Variants in GAD2 observed in about 807,000 individuals in gnomAD.
GAD2 encodes the protein 65 kDa glutamic acid decarboxylase.
A neutral mutation model predicts 80.1 loss-of-function variants in GAD2; 22 were observed. The observed-to-expected ratio is 0.27, with a 90% confidence interval of 0.20 to 0.39. The LOEUF (loss-of-function observed/expected upper bound fraction) is 0.39. Among genes scored for constraint, GAD2 ranks in the 10% least tolerant of loss-of-function variants. The pLI is 1.00. For missense variants in GAD2, 624 were observed against 738.4 expected, an observed-to-expected ratio of 0.85 and a Z score of 1.80; for synonymous variants, 274 against 256.9, an observed-to-expected ratio of 1.07 and a Z score of -0.64.
At chr10:26,239,316 GAGA>G (rs1399487309) in intron 7 of GAD2, among the ~76,000 whole-genome samples, 2 of 152,152 alleles carry the variant, frequency 1.3e-5, no homozygotes, top group Non-Finnish European at 2.9e-5. Flanking sequence ...GCTTGGTTAG[GAGA>G]ACACACAGCT....
At position 26,254,439 on chromosome 10, in the gene GAD2, A is replaced by T. The variant is rs192437343; in HGVS notation, c.920+8439A>T. 1.5e-3 allele frequency among the ~76,000 whole-genome samples: 236 copies of T among 152,310 alleles called. 1 individual carries two copies. Among genetic ancestry groups the T allele is most frequent in the African/African-American group, 5.6e-3 (231 of 41,574 alleles). ...GGGGCTCAGGCGGGAATGCTGGCTC[A>T]GGGCTCACCTCCTGCTGTGTGACCG... On this transcript the variant is annotated intron_variant, in intron 8 of 15. Coordinates refer to ENST00000376261, the MANE Select transcript of GAD2 (RefSeq NM_001134366.2).
rs1834336454 is a variant in GAD2 at position 26,302,307 on chromosome 10, A to C, written c.*1346A>C. On this transcript the variant is annotated 3_prime_UTR_variant, in exon 16 of 16. Transcript: ENST00000376261. ...AGCCTCTCACCCTAGATTTTGAGGC[A>C]TTATCTTAAGATTTTCCTTTATCCA... 6.6e-6 allele frequency: 1 copy of C among 152,126 alleles called. No individual in the cohort carries two copies. Among genetic ancestry groups the C allele is most frequent in the Admixed American group, 6.5e-5 (1 of 15,276 alleles). The allele number at this position is 152,126 out of a possible 1,614,324, so 9.4% of individuals were successfully genotyped here.
chr10:26,289,960 T>C (rs933972601), intron 13 of GAD2, among the ~76,000 whole-genome samples: 5 of 152,098 alleles, frequency 3.3e-5, no homozygotes, highest in Non-Finnish European at 7.4e-5. Context: ...CAAGGTTTCA[T>C]AGCAAATCTC....
intron 8 of GAD2, among the ~76,000 whole-genome samples, chr10:26,262,746 G>A (rs1443132668): frequency 7.9e-5 from 12 of 151,706 alleles, no homozygotes; most frequent in Admixed American, 7.9e-4. Context: ...AATTTTTAAT[G>A]TTCTGTAACT....
chr10:26,297,698 G>C (rs552979770), intron 15 of GAD2, among the ~76,000 whole-genome samples: 1 of 152,302 alleles, frequency 6.6e-6, no homozygotes, highest in African/African-American at 2.4e-5. Context: ...AGAAAGGAGA[G>C]CTTTATTGAT....
At chr10:26,253,855 A>G (rs1844911516) in intron 8 of GAD2, among the ~76,000 whole-genome samples, 1 of 152,146 alleles carries the variant, frequency 6.6e-6, no homozygotes, top group Admixed American at 6.5e-5. Context: ...CAGACGCCAC[A>G]GCACATTCTA....
intron 11 of GAD2, among the ~76,000 whole-genome samples, chr10:26,276,610 A>C (rs1415016331): frequency 6.6e-6 from 1 of 151,196 alleles, no homozygotes; most frequent in Admixed American, 6.6e-5. Context: ...CTGGTCTTGA[A>C]CTCCTGACCT....
intron 8 of GAD2, among the ~76,000 whole-genome samples, chr10:26,266,615 G>A (rs1845076794): frequency 6.6e-6 from 1 of 152,188 alleles, no homozygotes; most frequent in Non-Finnish European, 1.5e-5. Context: ...GAGTGCCCAG[G>A]AAAAACTAGA....
chr10:26,271,533 C>T (rs1286204590), intron 10 of GAD2, among the ~76,000 whole-genome samples: 1 of 152,118 alleles, frequency 6.6e-6, no homozygotes, highest in Non-Finnish European at 1.5e-5. Flanking sequence ...CACAAACCAT[C>T]GCTAATCACA....
intron 15 of GAD2, among the ~76,000 whole-genome samples, chr10:26,298,712 A>G (rs1834299876): frequency 6.6e-6 from 1 of 152,228 alleles, no homozygotes; most frequent in African/African-American, 2.4e-5. Context: ...AAATAAAACT[A>G]AGGAATGGTT....
At chr10:26,295,397 A>G (rs2132322392) in intron 15 of GAD2, among the ~76,000 whole-genome samples, 1 of 152,218 alleles carries the variant, frequency 6.6e-6, no homozygotes, top group East Asian at 1.9e-4. Context: ...ACCAAGTTTA[A>G]CTTTTGTTCA....
chr10:26,286,226 C>T, intron 12 of GAD2, 119 bp from the exon 13 acceptor site: 1 of 893,310 alleles, frequency 1.1e-6, no homozygotes, highest in Non-Finnish European at 1.7e-6. Context: ...TTGATTCTTA[C>T]TGTTTTCTTT....
chr10:26,229,808 G>T (rs369371483), intron 7 of GAD2, 31 bp downstream of exon 7: 1 of 1,524,374 alleles, frequency 6.6e-7, no homozygotes, highest in Non-Finnish European at 9.1e-7. Flanking sequence ...CAAGTTTAAG[G>T]TTATGTTCCA....
Position 26,224,623 on chromosome 10 carries a change from G to A in GAD2, c.696G>A (p.Gly232=). 1 of 1,613,330 alleles carries A rather than the reference G, an allele frequency of 6.2e-7. No individual in the cohort carries two copies. ...KKMREIIGWP[G]GSGDGIFSPG... ...TGAGAGAAATCATTGGCTGGCCAGG[G>A]GGCTCTGGCGATGGGATATTTTCTC... Residue 232 remains glycine, a synonymous_variant, in exon 6 of 16, where the codon GGG becomes GGA. Transcript: ENST00000376261.
intron 6 of GAD2, among the ~76,000 whole-genome samples, chr10:26,225,286 T>C (rs1462444560): frequency 6.6e-6 from 1 of 152,236 alleles, no homozygotes; most frequent in Non-Finnish European, 1.5e-5. Context: ...GCCATTGAAT[T>C]CTAAGCTCCA....
At chr10:26,224,392 G>C in intron 5 of GAD2, 147 bp from the exon 6 acceptor site, 1 of 662,052 alleles carries the variant, frequency 1.5e-6, no homozygotes, top group Admixed American at 3.1e-5. Flanking sequence ...AGGCCTTTTT[G>C]AAATAATTTT....
intron 10 of GAD2, among the ~76,000 whole-genome samples, chr10:26,271,620 C>T (rs1845137594): frequency 6.6e-6 from 1 of 152,188 alleles, no homozygotes; most frequent in South Asian, 2.1e-4. Context: ...TGAAGGAACG[C>T]ATAAGTTGAT....
chr10:26,276,178 AAAAT>A (rs1224475541), intron 11 of GAD2, among the ~76,000 whole-genome samples: 1 of 151,880 alleles, frequency 6.6e-6, no homozygotes, highest in African/African-American at 2.4e-5. Flanking sequence ...AATAAAAATA[AAAAT>A]AAATAAATAA....
At chr10:26,247,919 G>GAAAAAAAAAAAAAA (rs57365924) in intron 8 of GAD2, among the ~76,000 whole-genome samples, 1 of 130,948 alleles carries the variant, frequency 7.6e-6, no homozygotes, top group Admixed American at 8.3e-5. Flanking sequence ...AAAAGGAAAA[G>GAAAAAAAAAAAAAA]AAAAAAAAAA....
Sources: gnomAD v4.1 joint callset for allele counts (sites outside exome capture counted in the v4.1 genomes callset) on GRCh38, gnomAD v4.1.1 for gene constraint, MANE v1.5 for transcripts, NCBI Gene and HGNC (gene_info 2026-07-23, HGNC 2026-07-21) for gene names.